TSPAN18: variants seen among roughly 807,000 people sequenced by gnomAD.
TSPAN18 encodes the protein tetraspanin 18.
A neutral mutation model predicts 27.3 loss-of-function variants in TSPAN18; 14 were observed. The ratio of observed to expected loss-of-function variants is 0.51; its 90% CI spans 0.34 to 0.80. TSPAN18 has a LOEUF of 0.80. Among genes scored for constraint, TSPAN18 ranks in the 30% least tolerant of loss-of-function variants. TSPAN18 has a pLI of 0.01. For synonymous variants in TSPAN18, 143 were observed against 136.5 expected (o/e 1.05, Z -0.33); for missense variants, 268 against 323.9 (o/e 0.83, Z 1.32).
chr11:44,809,462 G>T (rs1194389787), intron 2 of TSPAN18, among the ~76,000 whole-genome samples: 1 of 152,202 alleles, frequency 6.6e-6, no homozygotes, highest in Non-Finnish European at 1.5e-5. Context: ...CACATCAGTG[G>T]CTCCCCAGGA....
intron 3 of TSPAN18, among the ~76,000 whole-genome samples, chr11:44,893,152 G>A (rs114362210): frequency 0.016 from 2,372 of 152,334 alleles, 75 homozygotes; most frequent in African/African-American, 0.055. Flanking sequence ...TTCTACATGG[G>A]ACAGAGGAAA....
intron 2 of TSPAN18, among the ~76,000 whole-genome samples, chr11:44,786,919 A>ACCGCT (rs1206699564): frequency 6.6e-6 from 1 of 152,072 alleles, no homozygotes; most frequent in Non-Finnish European, 1.5e-5. Context: ...GGCATGAGCC[A>ACCGCT]CCGCTCCTGG....
chr11:44,861,251 T>G (rs1004541907), intron 3 of TSPAN18, among the ~76,000 whole-genome samples: 2 of 151,934 alleles, frequency 1.3e-5, no homozygotes, highest in African/African-American at 2.4e-5. Flanking sequence ...TCCCAGGCGG[T>G]CCAACAAAAA....
intron 2 of TSPAN18, among the ~76,000 whole-genome samples, chr11:44,843,235 G>A (rs1259575304): frequency 6.6e-6 from 1 of 152,204 alleles, no homozygotes; most frequent in Non-Finnish European, 1.5e-5. Flanking sequence ...TAAAGGGACA[G>A]AGTACAAAAG....
intron 2 of TSPAN18, among the ~76,000 whole-genome samples, chr11:44,849,578 A>G (rs547434213): frequency 1.3e-5 from 2 of 152,206 alleles, no homozygotes; most frequent in Non-Finnish European, 2.9e-5. Context: ...GGGATCTCTG[A>G]GCAAGGTGGC....
intron 1 of TSPAN18, among the ~76,000 whole-genome samples, chr11:44,760,088 T>C (rs377727659): frequency 2.0e-5 from 3 of 152,332 alleles, no homozygotes; most frequent in African/African-American, 7.2e-5. Flanking sequence ...TCACTTTTAC[T>C]GTGGGGTCTT....
chr11:44,840,710 T>C (rs1178179301), intron 2 of TSPAN18, among the ~76,000 whole-genome samples: 1 of 152,206 alleles, frequency 6.6e-6, no homozygotes, highest in Non-Finnish European at 1.5e-5. Flanking sequence ...TCCTGCTTGA[T>C]CATGACACAG....
At chr11:44,765,267 C>T (rs1166016347) in intron 2 of TSPAN18, among the ~76,000 whole-genome samples, 1 of 152,152 alleles carries the variant, frequency 6.6e-6, no homozygotes, top group African/African-American at 2.4e-5. Flanking sequence ...TCTGGGATTC[C>T]AAGACCAGGG....
intron 3 of TSPAN18, among the ~76,000 whole-genome samples, chr11:44,860,775 G>T (rs1489759774): frequency 6.6e-6 from 1 of 152,184 alleles, no homozygotes; most frequent in Non-Finnish European, 1.5e-5. Context: ...TGCCCCTCAA[G>T]CTCAACTGGG....
intron 3 of TSPAN18, among the ~76,000 whole-genome samples, chr11:44,868,981 C>T (rs533194435): frequency 6.6e-6 from 1 of 152,378 alleles, no homozygotes; most frequent in East Asian, 1.9e-4. Context: ...CCCACAATCA[C>T]TGCTGATTTG....
At position 44,727,049 on chromosome 11, in the gene TSPAN18, CCCCAGCCCCGGCCCCGG is replaced by C. The variant is rs1854529238; in HGVS notation, c.-474_-458del. On this transcript the variant is annotated 5_prime_UTR_variant, in exon 1 of 10. Transcript: ENST00000520358. The stretch of plus-strand genomic sequence containing the variant: ...GCGGAGCCGCGCGAGGCCGCCCGAG[CCCCAGCCCCGGCCCCGG>C]CCCCAGCCCCGGCCCCGGCCCCGGC... 2 of 139,500 alleles carry C rather than the reference CCCCAGCCCCGGCCCCGG, an allele frequency of 1.4e-5. No individual in the cohort carries two copies. Among genetic ancestry groups the C allele is most frequent in the Non-Finnish European group, 3.2e-5 (2 of 62,662 alleles). The allele number at this position is 139,500 out of a possible 1,614,324, so 8.6% of individuals were successfully genotyped here.
intron 2 of TSPAN18, among the ~76,000 whole-genome samples, chr11:44,858,700 G>A (rs1250160058): frequency 2.0e-5 from 3 of 152,158 alleles, no homozygotes; most frequent in East Asian, 3.9e-4. Flanking sequence ...GGGCCAAGGG[G>A]GTCCCCAGAT....
chr11:44,826,725 A>G (rs1056356106), intron 2 of TSPAN18, among the ~76,000 whole-genome samples: 17 of 152,362 alleles, frequency 1.1e-4, no homozygotes, highest in Admixed American at 4.6e-4. Flanking sequence ...TTTACGCTGC[A>G]GGCCTTGCCT....
At chr11:44,792,927 C>T (rs1189020819) in intron 2 of TSPAN18, among the ~76,000 whole-genome samples, 1 of 152,076 alleles carries the variant, frequency 6.6e-6, no homozygotes, top group Non-Finnish European at 1.5e-5. Flanking sequence ...GGGGAGTGGT[C>T]CAGCTCCTGC....
At chr11:44,855,219 A>T (rs1857704155) in intron 2 of TSPAN18, among the ~76,000 whole-genome samples, 1 of 152,034 alleles carries the variant, frequency 6.6e-6, no homozygotes, top group South Asian at 2.1e-4. Context: ...TAATAAGCAC[A>T]CTGTGCAAAA....
chr11:44,757,387 T>TTTAC (rs928118090), intron 1 of TSPAN18, among the ~76,000 whole-genome samples: 1 of 152,034 alleles, frequency 6.6e-6, no homozygotes. Context: ...TATTTATTTA[T>TTTAC]TTATTTATTT....
intron 3 of TSPAN18, among the ~76,000 whole-genome samples, chr11:44,888,079 C>G (rs778911657): frequency 6.6e-6 from 1 of 152,184 alleles, no homozygotes; most frequent in Non-Finnish European, 1.5e-5. Context: ...GCGGCAGAAA[C>G]TGAGTCAGAG....
At chr11:44,816,067 ATTGCCCACTCTGGGCCTTAGTTTC>A (rs1172487061) in intron 2 of TSPAN18, among the ~76,000 whole-genome samples, 1 of 149,148 alleles carries the variant, frequency 6.7e-6, no homozygotes, top group Non-Finnish European at 1.5e-5. Context: ...GGGCAAGTTT[ATTGCCCACTCTGGGCCTTAGTTTC>A]TTGTCTGTAA....
At chr11:44,813,576 T>G (rs981858630) in intron 2 of TSPAN18, among the ~76,000 whole-genome samples, 1 of 152,042 alleles carries the variant, frequency 6.6e-6, no homozygotes, top group East Asian at 1.9e-4. Context: ...CTGCTGGGAG[T>G]AAGACCTCTA....
Sources: allele counts gnomAD v4.1 joint callset (sites outside exome capture counted in the v4.1 genomes callset), GRCh38; gene constraint gnomAD v4.1.1; transcripts MANE v1.5; gene names NCBI Gene and HGNC (gene_info 2026-07-23, HGNC 2026-07-21).